The following TMED10 variants were observed in gnomAD, a reference collection of about 807,000 sequenced individuals.
The protein encoded by TMED10 is transmembrane emp24 domain-containing protein 10.
A neutral mutation model predicts 23.1 loss-of-function variants in TMED10; 7 were observed. The ratio of observed to expected loss-of-function variants is 0.30; its 90% CI spans 0.17 to 0.57. The LOEUF (loss-of-function observed/expected upper bound fraction) is 0.57. TMED10 is among the 20% of genes least tolerant of loss of function. The probability of loss-of-function intolerance (pLI) is 0.91; values close to 1 mark genes in which losing one functional copy is unlikely to be tolerated. For missense variants in TMED10, 162 were observed against 274.8 expected (o/e 0.59, Z 2.90); for synonymous variants, 113 against 106.9 (o/e 1.06, Z -0.35).
intron 2 of TMED10, among the ~76,000 whole-genome samples, chr14:75,148,416 A>T (rs11628184): frequency 0.013 from 1,967 of 152,122 alleles, 23 homozygotes; most frequent in Non-Finnish European, 0.021. Flanking sequence ...AAAAAAAACA[A>T]CTTTAAGTGT....
intron 1 of TMED10, among the ~76,000 whole-genome samples, chr14:75,173,593 T>C (rs918061593): frequency 9.9e-5 from 15 of 152,200 alleles, no homozygotes; most frequent in Admixed American, 6.6e-5. Context: ...ATATTACCTA[T>C]TTGGCATTTG....
chr14:75,164,238 T>TC (rs559394797), intron 1 of TMED10, among the ~76,000 whole-genome samples: 1,917 of 147,734 alleles, frequency 0.013, 26 homozygotes, highest in South Asian at 0.034. Context: ...GCTTTTTTTT[T>TC]TTTTTTTTTT....
At chr14:75,151,655 TG>T (rs1423275260) in intron 2 of TMED10, among the ~76,000 whole-genome samples, 1 of 152,170 alleles carries the variant, frequency 6.6e-6, no homozygotes, top group East Asian at 1.9e-4. Context: ...CCCACCAGAG[TG>T]GTACATTCAT....
chr14:75,175,039 CAAAAAAAAAAAA>C (rs57423430), intron 1 of TMED10, among the ~76,000 whole-genome samples: 1 of 87,084 alleles, frequency 1.1e-5, no homozygotes, highest in Non-Finnish European at 2.3e-5. Flanking sequence ...GACTCCGTCT[CAAAAAAAAAAAA>C]AAAAAAAAAA....
intron 3 of TMED10, among the ~76,000 whole-genome samples, chr14:75,147,373 T>C (rs1348166290): frequency 6.6e-6 from 1 of 152,214 alleles, no homozygotes; most frequent in South Asian, 2.1e-4. Context: ...TTTGTATTTT[T>C]AGTAGAAACT....
chr14:75,152,020 T>C lies in TMED10; in HGVS notation c.337+12A>G. 1 of 1,607,954 alleles carries C rather than the reference T, an allele frequency of 6.2e-7. No individual in the cohort carries two copies. The highest frequency in any genetic ancestry group is 8.5e-7 in the Non-Finnish European group (1 of 1,174,528). ...AGATTCTTAATCCAGAGAAACACTC[T>C]TGATTACTCACCCTTGCTCTCAAAA... is the stretch of plus-strand genomic sequence containing the variant. On this transcript the variant is annotated intron_variant, in intron 2 of 4. Coordinates refer to ENST00000303575, the MANE Select transcript of TMED10 (RefSeq NM_006827.6).
At chr14:75,165,665 T>C (rs1896151743) in intron 1 of TMED10, among the ~76,000 whole-genome samples, 1 of 152,190 alleles carries the variant, frequency 6.6e-6, no homozygotes, top group African/African-American at 2.4e-5. Context: ...GTCTATCAAA[T>C]ATATTCCTGA....
chr14:75,165,548 C>T (rs1318101692), intron 1 of TMED10, among the ~76,000 whole-genome samples: 2 of 152,120 alleles, frequency 1.3e-5, no homozygotes, highest in African/African-American at 2.4e-5. Flanking sequence ...TCAAAAGGGA[C>T]CACTGTATCT....
At chr14:75,166,749 T>C (rs886431138) in intron 1 of TMED10, among the ~76,000 whole-genome samples, 1 of 152,188 alleles carries the variant, frequency 6.6e-6, no homozygotes, top group Non-Finnish European at 1.5e-5. Context: ...ATGTACCAAT[T>C]AGCCTTCTGT....
rs1183222365 is a variant in TMED10, at chr14:75,131,892, T to C, written c.*2993A>G. On this transcript the variant is annotated 3_prime_UTR_variant, in exon 5 of 5. Coordinates refer to ENST00000303575, the MANE Select transcript of TMED10 (RefSeq NM_006827.6). ...AATGTCAACTCCTACAAAGCTTAAGTTTAGGGTCACACTTGGGAACAAAAG... is the reference window on the plus strand; with the variant it reads ...AATGTCAACTCCTACAAAGCTTAAGCTTAGGGTCACACTTGGGAACAAAAG... 3 of 152,248 alleles carry C rather than the reference T, an allele frequency of 2.0e-5. No individual in the cohort carries two copies. Among genetic ancestry groups the C allele is most frequent in the African/African-American group, 7.2e-5 (3 of 41,432 alleles). 9.4% of individuals were successfully genotyped at this position (152,248 alleles called of 1,614,324 possible).
chr14:75,175,039 CAAAAAAAAAAAAAAA>C (rs57423430), intron 1 of TMED10, among the ~76,000 whole-genome samples: 1 of 87,084 alleles, frequency 1.1e-5, no homozygotes, highest in African/African-American at 4.4e-5. Flanking sequence ...GACTCCGTCT[CAAAAAAAAAAAAAAA>C]AAAAAAAAAA....
intron 2 of TMED10, among the ~76,000 whole-genome samples, chr14:75,148,593 T>C (rs1478437753): frequency 5.3e-5 from 8 of 152,062 alleles, no homozygotes; most frequent in Non-Finnish European, 1.0e-4. Context: ...ATTCACCTAG[T>C]TATAAAATTT....
rs1311579129 is a variant in TMED10 at position 75,176,562 on chromosome 14, G to A, written c.18C>T (p.Gly6=). 2.5e-6 allele frequency: 4 copies of A among 1,614,148 alleles called. No homozygotes were observed. The East Asian group carries it at 6.7e-5, about 27-fold the overall frequency. ...GAAAAGGGCCGCGCCGGGCTGGTGG[G>A]CCAGACAAACCAGACATGGTGCTGG... MSGLS[G]PPARRGPFPL... The change falls in exon 1 of 5, where the codon GGC becomes GGT. Residue 6 remains glycine, a synonymous_variant. Transcript: ENST00000303575.
At chr14:75,172,838 C>G (rs1404794340) in intron 1 of TMED10, among the ~76,000 whole-genome samples, 1 of 152,090 alleles carries the variant, frequency 6.6e-6, no homozygotes, top group Non-Finnish European at 1.5e-5. Context: ...CTATACTATT[C>G]CCTATAACAC....
chr14:75,165,483 C>T (rs1896148965), intron 1 of TMED10, among the ~76,000 whole-genome samples: 1 of 152,184 alleles, frequency 6.6e-6, no homozygotes, highest in Non-Finnish European at 1.5e-5. Context: ...ACCTCAGCCT[C>T]CCAAAGTGTT....
chr14:75,157,237 A>T (rs941289362), intron 1 of TMED10, among the ~76,000 whole-genome samples: 2 of 152,258 alleles, frequency 1.3e-5, no homozygotes, highest in African/African-American at 4.8e-5. Flanking sequence ...TTAAAGAATC[A>T]TGCTATATAC....
At chr14:75,167,821 A>G (rs1199163510) in intron 1 of TMED10, among the ~76,000 whole-genome samples, 1 of 152,068 alleles carries the variant, frequency 6.6e-6, no homozygotes, top group Non-Finnish European at 1.5e-5. Context: ...CTCCAGCCAG[A>G]GCAAAATAAT....
intron 1 of TMED10, among the ~76,000 whole-genome samples, chr14:75,173,504 G>C (rs983881524): frequency 6.6e-6 from 1 of 152,062 alleles, no homozygotes; most frequent in African/African-American, 2.4e-5. Flanking sequence ...CTAATTAACA[G>C]TTTCTACTAC....
Position 75,147,717 on chromosome 14 carries a change from G to A in TMED10, c.358C>T (p.Gln120Ter). ...ESKGTGRIPD[Q>*]LVILDMKHGV... ...TGCTTCATGTCTAGGATCACGAGTT[G>A]GTCAGGTATCCGCCCTGTTCCTGAG... Residue 120 changes from glutamine (Q) to a stop codon, truncating the protein, a stop_gained, in exon 3 of 5, where the codon CAA becomes TAA. Transcript: ENST00000303575. LOFTEE classifies it high-confidence loss of function. 1 of 1,614,034 alleles carries A rather than the reference G, an allele frequency of 6.2e-7. No individual in the cohort carries two copies. Among genetic ancestry groups the A allele is most frequent in the Non-Finnish European group, 8.5e-7 (1 of 1,179,998 alleles).
Sources: allele counts gnomAD v4.1 joint callset (sites outside exome capture counted in the v4.1 genomes callset), GRCh38; gene constraint gnomAD v4.1.1; transcripts MANE v1.5; gene names NCBI Gene and HGNC (gene_info 2026-07-23, HGNC 2026-07-21).